Variants in PGM2L1 observed in about 807,000 individuals in gnomAD.
PGM2L1 encodes phosphoglucomutase 2 like 1, also known as glucose 1,6-bisphosphate synthase.
Under a neutral mutation model 73.4 loss-of-function variants are expected in PGM2L1, and 35 were observed. The ratio of observed to expected loss-of-function variants is 0.48; its 90% CI spans 0.36 to 0.63. The LOEUF (loss-of-function observed/expected upper bound fraction) is 0.63. Among genes scored for constraint, PGM2L1 ranks in the 30% least tolerant of loss-of-function variants. The probability of loss-of-function intolerance (pLI) is 0.00; values close to 1 mark genes in which losing one functional copy is unlikely to be tolerated. For synonymous variants in PGM2L1, 225 were observed against 253.8 expected (o/e 0.89, Z 1.08); for missense variants, 570 against 742.0 (o/e 0.77, Z 2.69).
chr11:74,331,857 G>A lies in PGM2L1; in HGVS notation c.*4795C>T, dbSNP rs1030581642. The A allele has an allele frequency of 6.6e-6, 1 of 152,130 alleles. No homozygotes were observed. The highest frequency in any genetic ancestry group is 2.4e-5 in the African/African-American group (1 of 41,406). 9.4% of individuals were successfully genotyped at this position (152,130 alleles called of 1,614,324 possible). ...CCCTTCATCATGCCCCTCTGCTTTAGGGTTACGCTAGTGGAAAAATTTGAG... is the reference window on the plus strand; with the variant it reads ...CCCTTCATCATGCCCCTCTGCTTTAAGGTTACGCTAGTGGAAAAATTTGAG... On this transcript the variant is annotated 3_prime_UTR_variant, in exon 14 of 14. Transcript: ENST00000298198.
At chr11:74,368,412 A>G in intron 5 of PGM2L1, 80 bp downstream of exon 5, 1 of 1,275,770 alleles carries the variant, frequency 7.8e-7, no homozygotes, top group Admixed American at 1.8e-5. Context: ...TCTCCAGTAT[A>G]GAAAACATAC....
intron 1 of PGM2L1, among the ~76,000 whole-genome samples, chr11:74,375,626 G>T (rs557712740): frequency 2.4e-4 from 36 of 152,090 alleles, no homozygotes; most frequent in Non-Finnish European, 4.3e-4. Context: ...TTTGTCCTTA[G>T]AAATACATAA....
intron 5 of PGM2L1, among the ~76,000 whole-genome samples, chr11:74,363,876 T>C (rs923015933): frequency 3.8e-4 from 58 of 152,152 alleles, no homozygotes; most frequent in African/African-American, 1.3e-3. Flanking sequence ...GCCAGCATCA[T>C]CCTGATACCA....
intron 5 of PGM2L1, among the ~76,000 whole-genome samples, chr11:74,363,662 G>A (rs1053335809): frequency 2.0e-5 from 3 of 152,130 alleles, no homozygotes; most frequent in African/African-American, 7.2e-5. Context: ...ACTAAACCAA[G>A]AAGAAGCTGA....
intron 12 of PGM2L1, among the ~76,000 whole-genome samples, chr11:74,340,414 C>T (rs1371609801): frequency 6.6e-6 from 1 of 152,060 alleles, no homozygotes; most frequent in Admixed American, 6.6e-5. Flanking sequence ...GAAAAGTAGA[C>T]ACATATATAC....
chr11:74,356,729 A>G (rs1308673197), intron 5 of PGM2L1, among the ~76,000 whole-genome samples: 1 of 152,250 alleles, frequency 6.6e-6, no homozygotes, highest in Non-Finnish European at 1.5e-5. Context: ...CCATAAATCA[A>G]TAAGAAACAG....
In PGM2L1 at chr11:74,342,877, G is replaced by T. The variant is rs1862203754; in HGVS notation, c.1442+8C>A. 2 of 1,584,340 alleles carry T rather than the reference G, an allele frequency of 1.3e-6. No homozygotes were observed. The highest frequency in any genetic ancestry group is 2.7e-5 in the African/African-American group (2 of 73,322). ...CTAGCATGTGAAATTCATAATAGTA[G>T]AACTTACTTTTCATAAACCTTAACC... On this transcript the variant is annotated splice_region_variant and intron_variant, in intron 11 of 13. Coordinates refer to ENST00000298198, the MANE Select transcript of PGM2L1 (RefSeq NM_173582.6).
Position 74,351,595 on chromosome 11 carries a change from TAACC to T in PGM2L1, c.556-23_556-20del. The T allele has an allele frequency of 6.4e-7, 1 of 1,554,586 alleles. No individual in the cohort carries two copies. Among genetic ancestry groups the T allele is most frequent in the Non-Finnish European group, 8.7e-7 (1 of 1,144,982 alleles). On this transcript the variant is annotated intron_variant, in intron 5 of 13. Transcript: ENST00000298198. ...AGTAAACCTAGATGATAAGTAAATA[TAACC>T]ATAATTACTTAAAATGCTTGCCAGA...
rs144486313 is a variant in PGM2L1 at position 74,342,578 on chromosome 11, T to G, written c.1515A>C (p.Glu505Asp). Residue 505 changes from glutamate (E) to aspartate (D), a missense_variant, in exon 12 of 14, where the codon GAA becomes GAC. Transcript: ENST00000298198. ...YEPPTIKSIFERLRNFDSPKE... is the reference protein window; with the variant it reads ...YEPPTIKSIFDRLRNFDSPKE... ...TTGGAGAATCAAAATTACGAAGCCT[T>G]TCAAATATACTTTTGATGGTAGGTG... The G allele has an allele frequency of 2.5e-4, 399 of 1,607,008 alleles. 3 individuals are homozygous for G. In the African/African-American group the frequency reaches 4.7e-3, roughly 19 times the overall value.
chr11:74,392,699 G>T (rs1018192486), intron 1 of PGM2L1, among the ~76,000 whole-genome samples: 1 of 152,058 alleles, frequency 6.6e-6, no homozygotes, highest in Non-Finnish European at 1.5e-5. Flanking sequence ...CCGCCACCTC[G>T]CCCGGCTAAT....
chr11:74,372,253 T>G (rs1862776896), intron 2 of PGM2L1, among the ~76,000 whole-genome samples: 1 of 152,134 alleles, frequency 6.6e-6, no homozygotes, highest in Non-Finnish European at 1.5e-5. Flanking sequence ...AACCAAAAGA[T>G]TTGACCTATT....
Position 74,342,642 on chromosome 11 carries a change from T to C in PGM2L1, c.1451A>G (p.Tyr484Cys). The C allele has an allele frequency of 6.4e-7, 1 of 1,570,592 alleles. No individual in the cohort carries two copies. The highest frequency in any genetic ancestry group is 8.6e-7 in the Non-Finnish European group (1 of 1,157,284). The change falls in exon 12 of 14, where the codon TAT becomes TGT. Residue 484 changes from tyrosine (Y) to cysteine (C), a missense_variant. By Grantham distance (194) the Tyr-to-Cys change is radical (BLOSUM62 -2). Coordinates refer to ENST00000298198, the MANE Select transcript of PGM2L1 (RefSeq NM_173582.6). ...GAAATAGGAAGTTTTTGAAATATGA[T>C]AACCATATCTGTGCAAAGATTCAAA... ...QLVKVYEKYG[Y>C]HISKTSYFLC...
At chr11:74,353,428 A>AGCAGAT (rs1305317810) in intron 5 of PGM2L1, among the ~76,000 whole-genome samples, 1 of 151,820 alleles carries the variant, frequency 6.6e-6, no homozygotes, top group Non-Finnish European at 1.5e-5. Context: ...AGGGAAGGTC[A>AGCAGAT]GCAGATAAAC....
chr11:74,383,385 G>A (rs146170380), intron 1 of PGM2L1, among the ~76,000 whole-genome samples: 61 of 152,108 alleles, frequency 4.0e-4, no homozygotes, highest in African/African-American at 1.4e-3. Context: ...TCTTTATAGG[G>A]AAGGATTACT....
At chr11:74,337,536 A>G (rs1362689753) in intron 13 of PGM2L1, among the ~76,000 whole-genome samples, 1 of 152,216 alleles carries the variant, frequency 6.6e-6, no homozygotes, top group Non-Finnish European at 1.5e-5. Flanking sequence ...TCCCAAATAT[A>G]TATTGAGCAA....
At chr11:74,388,860 C>A (rs1863051723) in intron 1 of PGM2L1, among the ~76,000 whole-genome samples, 1 of 152,216 alleles carries the variant, frequency 6.6e-6, no homozygotes, top group Admixed American at 6.5e-5. Flanking sequence ...TAGAGGGCAG[C>A]AGCCTCAGTA....
Position 74,332,760 on chromosome 11 carries a change from A to T in PGM2L1, c.*3892T>A, listed in dbSNP as rs2134869882. 1 of 152,536 alleles carries T rather than the reference A, an allele frequency of 6.6e-6. No homozygotes were observed. Among genetic ancestry groups the T allele is most frequent in the Middle Eastern group, 3.4e-3 (1 of 294 alleles). 9.4% of individuals were successfully genotyped at this position (152,536 alleles called of 1,614,324 possible). ...AGAAGCAACTTGCTTAAGAAATGGG[A>T]GGTCTATTTCCTATATAAAGACATT... is the stretch of plus-strand genomic sequence containing the variant. On this transcript the variant is annotated 3_prime_UTR_variant, in exon 14 of 14. Coordinates refer to ENST00000298198, the MANE Select transcript of PGM2L1 (RefSeq NM_173582.6).
At chr11:74,392,101 A>C (rs1863111316) in intron 1 of PGM2L1, among the ~76,000 whole-genome samples, 1 of 152,210 alleles carries the variant, frequency 6.6e-6, no homozygotes, top group South Asian at 2.1e-4. Flanking sequence ...AAAATACATC[A>C]AGAAATAGTG....
rs1863215213 is a variant in PGM2L1 at position 74,398,329 on chromosome 11, G to A, written c.-168C>T. ...GCTCCTGCCGCGGCGTCAGGGAACC[G>A]GGAGAGAGGGGGTTTATGGCCGCCT... is the stretch of plus-strand genomic sequence containing the variant. On this transcript the variant is annotated 5_prime_UTR_variant, in exon 1 of 14. Coordinates refer to ENST00000298198, the MANE Select transcript of PGM2L1 (RefSeq NM_173582.6). 1.9e-6 allele frequency: 2 copies of A among 1,077,072 alleles called. No individual in the cohort carries two copies. Among genetic ancestry groups the A allele is most frequent in the Admixed American group, 3.4e-5 (1 of 29,288 alleles). The allele number at this position is 1,077,072 out of a possible 1,614,324, so 66.7% of individuals were successfully genotyped here.
Sources: allele counts gnomAD v4.1 joint callset (sites outside exome capture counted in the v4.1 genomes callset), GRCh38; gene constraint gnomAD v4.1.1; transcripts MANE v1.5; gene names NCBI Gene and HGNC (gene_info 2026-07-23, HGNC 2026-07-21).